NUDCD1: variants seen among roughly 807,000 people sequenced by gnomAD.
NUDCD1 encodes NudC domain containing 1.
In NUDCD1, 60 loss-of-function variants were observed where a neutral mutation model predicts 67.8. The ratio of observed to expected loss-of-function variants is 0.88; its 90% CI spans 0.72 to 1.10. The LOEUF (loss-of-function observed/expected upper bound fraction) is 1.10, where lower values mean the gene tolerates loss of function less well. NUDCD1 is among the 50% of genes least tolerant of loss of function. The pLI is 0.00. For synonymous variants in NUDCD1, 244 were observed against 230.8 expected (o/e 1.06, Z -0.52); for missense variants, 643 against 695.0 (o/e 0.93, Z 0.84).
chr8:109,327,491 A>C (rs1351356207), intron 1 of NUDCD1, among the ~76,000 whole-genome samples: 1 of 152,240 alleles, frequency 6.6e-6, no homozygotes, highest in Non-Finnish European at 1.5e-5. Flanking sequence ...GAAAAGCATG[A>C]GCTTTAGGGT....
chr8:109,326,259 T>C (rs779472813), intron 1 of NUDCD1, among the ~76,000 whole-genome samples: 3 of 152,174 alleles, frequency 2.0e-5, no homozygotes, highest in Non-Finnish European at 4.4e-5. Context: ...CAGATGTGAG[T>C]CTAGGCCATA....
At chr8:109,314,041 T>C (rs1246568980) in intron 2 of NUDCD1, among the ~76,000 whole-genome samples, 5 of 152,216 alleles carry the variant, frequency 3.3e-5, no homozygotes, top group Non-Finnish European at 7.4e-5. Context: ...AAATGGACTA[T>C]AAGCAATAAA....
rs112730903 is a variant in NUDCD1, at chr8:109,331,383, G to A, written c.118+2510C>T. 1.4e-3 allele frequency among the ~76,000 whole-genome samples: 213 copies of A among 152,096 alleles called. 1 individual carries two copies. Among genetic ancestry groups the A allele is most frequent in the African/African-American group, 4.3e-3 (179 of 41,484 alleles). The stretch of plus-strand genomic sequence containing the variant: ...AAACAAAAATTAGCTGGGCATGGTG[G>A]CGGGCGCCTGTAATCCCAACTACTC... On this transcript the variant is annotated intron_variant, in intron 1 of 9. Transcript: ENST00000239690.
intron 2 of NUDCD1, among the ~76,000 whole-genome samples, chr8:109,299,090 G>C (rs1297351458): frequency 1.3e-5 from 2 of 152,206 alleles, no homozygotes; most frequent in African/African-American, 4.8e-5. Flanking sequence ...AAGCAGCAGG[G>C]AAAGCCCTGT....
At chr8:109,317,021 G>C (rs1406989360) in intron 2 of NUDCD1, among the ~76,000 whole-genome samples, 1 of 152,072 alleles carries the variant, frequency 6.6e-6, no homozygotes, top group East Asian at 1.9e-4. Context: ...GAAAAATATA[G>C]AAAGGAAAGA....
At chr8:109,311,557 G>GTATATATATATATATATATATATATATA (rs569380890) in intron 2 of NUDCD1, among the ~76,000 whole-genome samples, 14 of 62,680 alleles carry the variant, frequency 2.2e-4, no homozygotes, top group African/African-American at 4.9e-4. Flanking sequence ...AGAAACTGTG[G>GTATATATATATATATATATATATATATA]TGTATATATA....
Position 109,278,185 on chromosome 8 carries a change from AT to A in NUDCD1, c.1029-2690del, listed in dbSNP as rs1227385136. On this transcript the variant is annotated intron_variant, in intron 6 of 9. Coordinates refer to ENST00000239690, the MANE Select transcript of NUDCD1 (RefSeq NM_032869.4). The stretch of plus-strand genomic sequence containing the variant: ...TTCTCATTTCTGACCAAATTTGACT[AT>A]TTAAAAAATTAACTGCCTAACTCTA... 2.6e-5 allele frequency among the ~76,000 whole-genome samples: 4 copies of A among 152,342 alleles called. No homozygotes were observed. In the East Asian group the frequency reaches 7.7e-4, roughly 29 times the overall value.
chr8:109,282,877 C>G (rs1232927618), intron 5 of NUDCD1, among the ~76,000 whole-genome samples: 1 of 149,634 alleles, frequency 6.7e-6, no homozygotes, highest in African/African-American at 2.5e-5. Flanking sequence ...AGAATTCTGG[C>G]ACCATAAAAA....
chr8:109,243,369 A>C, intron 9 of NUDCD1, 68 bp from the exon 10 acceptor site: 1 of 1,231,672 alleles, frequency 8.1e-7, no homozygotes, highest in Non-Finnish European at 1.1e-6. Context: ...ATGATGATTT[A>C]ACATTTAATA....
At chr8:109,302,920 T>C (rs1416901332) in intron 2 of NUDCD1, among the ~76,000 whole-genome samples, 2 of 152,182 alleles carry the variant, frequency 1.3e-5, no homozygotes, top group Non-Finnish European at 2.9e-5. Context: ...AGGACTTAAA[T>C]GACCTCGCTT....
At chr8:109,292,656 T>C (rs1416027140) in intron 4 of NUDCD1, among the ~76,000 whole-genome samples, 4 of 152,072 alleles carry the variant, frequency 2.6e-5, no homozygotes, top group East Asian at 1.9e-4. Flanking sequence ...AGTACTCAAC[T>C]ACAGTTAAAA....
At chr8:109,274,670 A>C (rs1814236380) in intron 7 of NUDCD1, among the ~76,000 whole-genome samples, 1 of 152,112 alleles carries the variant, frequency 6.6e-6, no homozygotes, top group Non-Finnish European at 1.5e-5. Flanking sequence ...TTAGGATGCA[A>C]GTAACATTAC....
chr8:109,243,258 A>G lies in NUDCD1; in HGVS notation c.1503T>C (p.Cys501=). 1.2e-6 allele frequency: 2 copies of G among 1,604,214 alleles called. No individual in the cohort carries two copies. Among genetic ancestry groups the G allele is most frequent in the Middle Eastern group, 1.7e-4 (1 of 6,024 alleles). Residue 501 remains cysteine, a synonymous_variant, in exon 10 of 10, where the codon TGT becomes TGC. Coordinates refer to ENST00000239690, the MANE Select transcript of NUDCD1 (RefSeq NM_032869.4). ...ASKRDKKFFA[C]APNYSYAALC... Reference sequence around the variant, plus strand: ...GGGCTGCATACGAGTAATTTGGAGCACAGGCAAAAAATTTTTTGTCTCTCT... The same window carrying G: ...GGGCTGCATACGAGTAATTTGGAGCGCAGGCAAAAAATTTTTTGTCTCTCT...
At chr8:109,261,595 A>G (rs1813864211) in intron 8 of NUDCD1, among the ~76,000 whole-genome samples, 1 of 152,052 alleles carries the variant, frequency 6.6e-6, no homozygotes, top group Admixed American at 6.5e-5. Flanking sequence ...AATATTAGAC[A>G]TTTAGGACTG....
chr8:109,334,025 G>A lies in NUDCD1; in HGVS notation c.-15C>T, dbSNP rs1255213790. ...GCCACCTCCATCGCTTTCCAGGGCC[G>A]CAGCGTGAGAATTAATAAAGCCCTT... is the stretch of plus-strand genomic sequence containing the variant. On this transcript the variant is annotated 5_prime_UTR_variant, in exon 1 of 10. Coordinates refer to ENST00000239690, the MANE Select transcript of NUDCD1 (RefSeq NM_032869.4). 1.9e-6 allele frequency: 3 copies of A among 1,613,940 alleles called. No homozygotes were observed. The highest frequency in any genetic ancestry group is 4.5e-5 in the East Asian group (2 of 44,872).
rs764269730 is a variant in NUDCD1, at chr8:109,334,012, G to A, written c.-2C>T. ...GGAGCAATTAGCCGCCACCTCCATCGCTTTCCAGGGCCGCAGCGTGAGAAT... is the reference window on the plus strand; with the variant it reads ...GGAGCAATTAGCCGCCACCTCCATCACTTTCCAGGGCCGCAGCGTGAGAAT... On this transcript the variant is annotated 5_prime_UTR_variant, in exon 1 of 10. Coordinates refer to ENST00000239690, the MANE Select transcript of NUDCD1 (RefSeq NM_032869.4). The A allele has an allele frequency of 1.2e-6, 2 of 1,614,036 alleles. No homozygotes were observed. The highest frequency in any genetic ancestry group is 1.7e-5 in the Admixed American group (1 of 59,988).
chr8:109,328,651 A>C (rs766019285), intron 1 of NUDCD1, among the ~76,000 whole-genome samples: 3 of 152,218 alleles, frequency 2.0e-5, no homozygotes, highest in African/African-American at 7.2e-5. Flanking sequence ...TGTACACAGG[A>C]AAGTCTTGCC....
At chr8:109,243,922 A>C (rs1395086405) in intron 9 of NUDCD1, among the ~76,000 whole-genome samples, 1 of 152,160 alleles carries the variant, frequency 6.6e-6, no homozygotes, top group African/African-American at 2.4e-5. Context: ...CTTCAAAAAT[A>C]ATTTCAAGTC....
intron 6 of NUDCD1, among the ~76,000 whole-genome samples, chr8:109,278,624 G>A (rs183330142): frequency 3.3e-5 from 5 of 152,318 alleles, no homozygotes; most frequent in Admixed American, 6.5e-5. Flanking sequence ...AGTTTTGCCA[G>A]TTCTAGAACT....
Sources: gnomAD v4.1 joint callset for allele counts (sites outside exome capture counted in the v4.1 genomes callset) on GRCh38, gnomAD v4.1.1 for gene constraint, MANE v1.5 for transcripts, NCBI Gene and HGNC (gene_info 2026-07-23, HGNC 2026-07-21) for gene names.